The following FBN2 variants were observed in gnomAD, a reference collection of about 807,000 sequenced individuals.
FBN2 encodes the protein fibrillin 2.
FBN2 carries 105 observed loss-of-function variants against 355.6 expected under a neutral mutation model. The observed-to-expected ratio is 0.30, with a 90% CI of 0.25 to 0.35. The LOEUF (loss-of-function observed/expected upper bound fraction) is 0.35, where lower values mean the gene tolerates loss of function less well. Ranked by LOEUF, FBN2 falls within the 10% of genes least tolerant of loss-of-function variation. FBN2 has a pLI of 1.00. For missense variants in FBN2, 3,280 were observed against 3,758.7 expected, an observed-to-expected ratio of 0.87 and a Z score of 3.33; for synonymous variants, 1,350 against 1,301.2, an observed-to-expected ratio of 1.04 and a Z score of -0.81.
chr5:128,261,859 C>A lies in FBN2; in HGVS notation c.8241G>T (p.Leu2747=). 1 of 1,614,104 alleles carries A rather than the reference C, an allele frequency of 6.2e-7. No homozygotes were observed. Among genetic ancestry groups the A allele is most frequent in the Non-Finnish European group, 8.5e-7 (1 of 1,179,954 alleles). ...MGFNKGQYLS[L]DTEVDEENAL... ...CATTTTCCTCATCGACCTCTGTATC[C>A]AGTGACAGGTACTGCCCCTTGTTAA... The change falls in exon 64 of 65, where the codon CTG becomes CTT. Residue 2747 remains leucine (L), a synonymous_variant. Coordinates refer to ENST00000262464, the MANE Select transcript of FBN2 (RefSeq NM_001999.4).
At chr5:128,368,551 G>A (rs1452436315) in intron 16 of FBN2, among the ~76,000 whole-genome samples, 1 of 149,826 alleles carries the variant, frequency 6.7e-6, no homozygotes, top group East Asian at 2.0e-4. Context: ...CTTGAAAGTG[G>A]TAAGTAAATT....
At chr5:128,437,790 A>AT (rs1419253091) in intron 7 of FBN2, among the ~76,000 whole-genome samples, 2 of 135,162 alleles carry the variant, frequency 1.5e-5, no homozygotes, top group East Asian at 2.0e-4. Flanking sequence ...AGATAGATAG[A>AT]TAGATAGATA....
intron 64 of FBN2, among the ~76,000 whole-genome samples, chr5:128,261,175 G>C (rs1411739847): frequency 2.6e-5 from 4 of 152,170 alleles, no homozygotes; most frequent in Admixed American, 6.5e-5. Context: ...AAACCAGGTA[G>C]TCTGCAGCCC....
In FBN2 at chr5:128,272,561, A is replaced by G. The variant is rs1439679657; in HGVS notation, c.7841-443T>C. Among the ~76,000 whole-genome samples, 5 of 150,984 alleles carry G rather than the reference A, an allele frequency of 3.3e-5. No homozygotes were observed. The East Asian group carries it at 9.7e-4, about 29-fold the overall frequency. On this transcript the variant is annotated intron_variant, in intron 61 of 64. Transcript: ENST00000262464. ...CAATCCTCATTTTTGGGAGGATAGAAGCATTACAGAGATACCTAAAAAGTA... is the reference window on the plus strand; with the variant it reads ...CAATCCTCATTTTTGGGAGGATAGAGGCATTACAGAGATACCTAAAAAGTA...
intron 11 of FBN2, among the ~76,000 whole-genome samples, chr5:128,380,238 A>G (rs1044800975): frequency 6.6e-6 from 1 of 152,140 alleles, no homozygotes; most frequent in African/African-American, 2.4e-5. Flanking sequence ...CATATAAAGT[A>G]TAATAAATAG....
Position 128,376,821 on chromosome 5 carries a change from A to G in FBN2, c.1882T>C (p.Leu628=), listed in dbSNP as rs1752092614. The G allele has an allele frequency of 6.2e-7, 1 of 1,613,476 alleles. No homozygotes were observed. Among genetic ancestry groups the G allele is most frequent in the Admixed American group, 1.7e-5 (1 of 59,958 alleles). The change falls in exon 14 of 65, where the codon TTG becomes CTG. Residue 628 remains leucine, a synonymous_variant. Coordinates refer to ENST00000262464, the MANE Select transcript of FBN2 (RefSeq NM_001999.4). ...HDECTTTNMC[L]NGMCINEDGS... ...TCTTCATTGATGCACATTCCATTCAAACACATGTTGGTAGTTGTACATTCA... is the reference window on the plus strand; with the variant it reads ...TCTTCATTGATGCACATTCCATTCAGACACATGTTGGTAGTTGTACATTCA...
chr5:128,476,405 A>C (rs1353294497), intron 5 of FBN2, among the ~76,000 whole-genome samples: 2 of 152,174 alleles, frequency 1.3e-5, no homozygotes, highest in African/African-American at 4.8e-5. Context: ...CCATCAAAAT[A>C]AAATGAGTAG....
At chr5:128,288,951 T>C (rs1464757223) in intron 52 of FBN2, among the ~76,000 whole-genome samples, 176 bp downstream of exon 52, 1 of 152,212 alleles carries the variant, frequency 6.6e-6, no homozygotes, top group African/African-American at 2.4e-5. Flanking sequence ...TCTCTCCATC[T>C]TCACATAAAT....
intron 7 of FBN2, among the ~76,000 whole-genome samples, chr5:128,418,624 G>A (rs1753265675): frequency 6.6e-6 from 1 of 151,898 alleles, no homozygotes; most frequent in East Asian, 1.9e-4. Context: ...ATTCTTCAAT[G>A]GTCATTTAGG....
intron 6 of FBN2, among the ~76,000 whole-genome samples, chr5:128,448,756 T>C (rs1448567161): frequency 2.0e-5 from 3 of 152,216 alleles, no homozygotes; most frequent in African/African-American, 7.2e-5. Context: ...TACTAGCTCC[T>C]ACACTTACTA....
chr5:128,375,435 A>G (rs1197104725), intron 14 of FBN2, among the ~76,000 whole-genome samples: 3 of 152,182 alleles, frequency 2.0e-5, no homozygotes, highest in Non-Finnish European at 4.4e-5. Flanking sequence ...CTGAAGCATA[A>G]TGACAATTTC....
chr5:128,416,143 G>A (rs181366168), intron 7 of FBN2, among the ~76,000 whole-genome samples: 2 of 151,100 alleles, frequency 1.3e-5, no homozygotes, highest in African/African-American at 4.9e-5. Context: ...CTCCTGCTTC[G>A]GCCTCCCAAG....
chr5:128,458,231 C>T (rs775945028), intron 6 of FBN2, among the ~76,000 whole-genome samples: 2 of 151,974 alleles, frequency 1.3e-5, no homozygotes, highest in African/African-American at 2.4e-5. Flanking sequence ...AAGGGCATTA[C>T]GTAATGGTAA....
At chr5:128,322,827 T>C (rs1750421193) in intron 34 of FBN2, among the ~76,000 whole-genome samples, 1 of 152,208 alleles carries the variant, frequency 6.6e-6, no homozygotes. Flanking sequence ...GGTAGCTTGA[T>C]GGGGATACCA....
intron 49 of FBN2, 93 bp from the exon 50 acceptor site, chr5:128,290,977 A>T: frequency 8.2e-7 from 1 of 1,218,972 alleles, no homozygotes; most frequent in Non-Finnish European, 1.2e-6. Context: ...TGCAGACTAG[A>T]TCAGCAGTTA....
In FBN2 at chr5:128,271,987, A is replaced by G. The variant is rs371850969; in HGVS notation, c.7960+12T>C. On this transcript the variant is annotated intron_variant, in intron 62 of 64. Transcript: ENST00000262464. ...GAGAAAAGCAAGTGCGATGGAAGAA[A>G]AGAGCACTCACCGACACACTGATTC... 3 of 1,613,776 alleles carry G rather than the reference A, an allele frequency of 1.9e-6. No homozygotes were observed. The African/African-American group carries it at 4.0e-5, about 22-fold the overall frequency.
At chr5:128,394,795 T>C (rs1253927434) in intron 9 of FBN2, among the ~76,000 whole-genome samples, 1 of 151,916 alleles carries the variant, frequency 6.6e-6, no homozygotes, top group East Asian at 1.9e-4. Context: ...AATATATACA[T>C]ATATTTTTGA....
At chr5:128,275,022 T>C (rs1203185374) in intron 59 of FBN2, among the ~76,000 whole-genome samples, 4 of 152,174 alleles carry the variant, frequency 2.6e-5, no homozygotes, top group African/African-American at 9.7e-5. Context: ...GGCTGATTAC[T>C]GATTCCTATT....
Position 128,519,330 on chromosome 5 carries a change from T to C in FBN2, c.571A>G (p.Ile191Val). The change falls in exon 5 of 65, where the codon ATC becomes GTC. Residue 191 changes from isoleucine to valine, a missense_variant. Physicochemically the swap from Ile to Val is conservative, Grantham distance 29. Around this residue, in one of 6 missense-constraint regions of FBN2, gnomAD observed 130 missense variants for 189.9 expected, o/e 0.68. Transcript: ENST00000262464. ...ACACAAGCACAGCGGTTGGGTCCGA[T>C]GCAACGTCCACCATTCTGACATCCA... is the stretch of plus-strand genomic sequence containing the variant. ...ENGCQNGGRC[I>V]GPNRCACVYG... 2 of 1,614,034 alleles carry C rather than the reference T, an allele frequency of 1.2e-6. No individual in the cohort carries two copies. The highest frequency in any genetic ancestry group is 1.7e-6 in the Non-Finnish European group (2 of 1,179,968).
Sources: allele counts gnomAD v4.1 joint callset (sites outside exome capture counted in the v4.1 genomes callset), GRCh38; gene constraint gnomAD v4.1.1; regional missense constraint gnomAD v4.1.1; transcripts MANE v1.5; gene names NCBI Gene and HGNC (gene_info 2026-07-23, HGNC 2026-07-21).